Variants in CEMIP observed in about 807,000 individuals in gnomAD.
CEMIP encodes cell migration inducing hyaluronidase 1.
A neutral mutation model predicts 156.9 loss-of-function variants in CEMIP; 105 were observed. The ratio of observed to expected loss-of-function variants is 0.67; its 90% CI spans 0.57 to 0.79. The LOEUF is 0.79. Ranked by LOEUF, CEMIP falls within the 30% of genes least tolerant of loss-of-function variation. CEMIP has a pLI of 0.00. For synonymous variants in CEMIP, 676 were observed against 668.4 expected (o/e 1.01, Z -0.17); for missense variants, 1,457 against 1,769.4 (o/e 0.82, Z 3.17).
rs115575514 is a variant in CEMIP at position 80,902,252 on chromosome 15, G to A, written c.1412-4411G>A. On this transcript the variant is annotated intron_variant, in intron 12 of 29. Coordinates refer to ENST00000394685, the MANE Select transcript of CEMIP (RefSeq NM_001293298.2). ...AGGGAAGGGTGACATCTGCAGCCCT[G>A]TGTAGGGCAACTGTGCAGAGCCCCT... Among the ~76,000 whole-genome samples, 212 of 152,374 alleles carry A rather than the reference G, an allele frequency of 1.4e-3. 1 individual carries two copies. The highest frequency in any genetic ancestry group is 4.9e-3 in the African/African-American group (202 of 41,586).
Position 80,920,154 on chromosome 15 carries a change from G to C in CEMIP, c.1858G>C (p.Glu620Gln), listed in dbSNP as rs1217437407. The change falls in exon 15 of 30, where the codon GAG (glutamate) becomes CAG (glutamine). Residue 620 changes from glutamate to glutamine, a missense_variant. Transcript: ENST00000394685. ...GHCFFTEDGP[E>Q]ERNTFDHCLG... Reference sequence around the variant, plus strand: ...CTGCTTCTTCACGGAAGATGGGCCGGAGGAACGCAACACTTTTGACCACTG... The same window carrying C: ...CTGCTTCTTCACGGAAGATGGGCCGCAGGAACGCAACACTTTTGACCACTG... 2 of 1,614,084 alleles carry C rather than the reference G, an allele frequency of 1.2e-6. No individual in the cohort carries two copies. The highest frequency in any genetic ancestry group is 1.7e-6 in the Non-Finnish European group (2 of 1,180,040).
chr15:80,946,400 T>C (rs1901554637), intron 28 of CEMIP: 1 of 156,076 alleles, frequency 6.4e-6, no homozygotes, highest in Non-Finnish European at 1.4e-5. Context: ...GTGGTTCTAA[T>C]GAAATCCCAG....
chr15:80,888,777 G>T lies in CEMIP; in HGVS notation c.945G>T (p.Leu315Phe). 1 of 1,614,096 alleles carries T rather than the reference G, an allele frequency of 6.2e-7. No individual in the cohort carries two copies. Among genetic ancestry groups the T allele is most frequent in the South Asian group, 1.1e-5 (1 of 91,076 alleles). Reference sequence around the variant, plus strand: ...ATGGCGAATATTTCAATGTTTCTTTGTCCAGTGAGTGGGTTCAAGGTGAGG... The same window carrying T: ...ATGGCGAATATTTCAATGTTTCTTTTTCCAGTGAGTGGGTTCAAGGTGAGG... ...TEHGEYFNVS[L>F]SSEWVQDVEW... Residue 315 changes from leucine (L) to phenylalanine (F), a missense_variant, in exon 9 of 30, where the codon TTG becomes TTT. Around this residue, in one of 5 missense-constraint regions of CEMIP, gnomAD observed 280 missense variants for 300.3 expected, o/e 0.93. Coordinates refer to ENST00000394685, the MANE Select transcript of CEMIP (RefSeq NM_001293298.2).
Position 80,922,264 on chromosome 15 carries a change from G to T in CEMIP, c.2202+127G>T. 1.5e-5 allele frequency: 19 copies of T among 1,277,098 alleles called. 1 individual carries two copies. The South Asian group carries it at 2.3e-4, about 16-fold the overall frequency. 79.1% of individuals were successfully genotyped at this position (1,277,098 alleles called of 1,614,324 possible). Reference sequence around the variant, plus strand: ...CAACTGCATTCTTAATGCTGGTCTCGAAGAAAATGGAGCAGCCTTGCGAGG... The same window carrying T: ...CAACTGCATTCTTAATGCTGGTCTCTAAGAAAATGGAGCAGCCTTGCGAGG... On this transcript the variant is annotated intron_variant, in intron 17 of 29. Transcript: ENST00000394685.
At chr15:80,859,191 C>G (rs547803080) in intron 1 of CEMIP, among the ~76,000 whole-genome samples, 7 of 152,164 alleles carry the variant, frequency 4.6e-5, no homozygotes, top group Non-Finnish European at 1.0e-4. Flanking sequence ...AGGAGCAAGG[C>G]GAGTGGGTCA....
chr15:80,872,300 A>T (rs1898322725), intron 1 of CEMIP, among the ~76,000 whole-genome samples: 1 of 152,218 alleles, frequency 6.6e-6, no homozygotes, highest in Non-Finnish European at 1.5e-5. Context: ...GATGGCATAG[A>T]AGCCGAAGCT....
At chr15:80,928,723 C>T (rs1044554620) in intron 19 of CEMIP, among the ~76,000 whole-genome samples, 179 bp from the exon 20 acceptor site, 1 of 152,178 alleles carries the variant, frequency 6.6e-6, no homozygotes, top group African/African-American at 2.4e-5. Flanking sequence ...AGAAAATCCC[C>T]TTCCTGTGCA....
At chr15:80,784,044 T>A (rs1457986747) in intron 1 of CEMIP, among the ~76,000 whole-genome samples, 1 of 152,160 alleles carries the variant, frequency 6.6e-6, no homozygotes, top group African/African-American at 2.4e-5. Context: ...GCACAAGCAG[T>A]CAGGCCTTCC....
chr15:80,872,327 C>T (rs1017275037), intron 1 of CEMIP, among the ~76,000 whole-genome samples: 1 of 152,144 alleles, frequency 6.6e-6, no homozygotes, highest in Admixed American at 6.5e-5. Flanking sequence ...CGCCAAAGCC[C>T]GTCTAAGTTC....
In CEMIP at chr15:80,906,042, A is replaced by G. The variant is rs1024217683; in HGVS notation, c.1412-621A>G. Among the ~76,000 whole-genome samples the G allele has an allele frequency of 6.6e-6, 1 of 152,248 alleles. No individual in the cohort carries two copies. The highest frequency in any genetic ancestry group is 1.9e-4 in the East Asian group (1 of 5,198). Reference sequence around the variant, plus strand: ...TACACACTCTACATGAGGCTGAGGTAAGCAGAATAGGGATTTGCCTGCTTT... The same window carrying G: ...TACACACTCTACATGAGGCTGAGGTGAGCAGAATAGGGATTTGCCTGCTTT... On this transcript the variant is annotated intron_variant, in intron 12 of 29. Transcript: ENST00000394685. The surrounding 1 kb of genome is among the most constrained non-coding windows in gnomAD (Gnocchi z 4.3).
intron 1 of CEMIP, among the ~76,000 whole-genome samples, chr15:80,869,048 TTGGCTTCTTC>T (rs1181135683): frequency 6.6e-6 from 1 of 152,144 alleles, no homozygotes; most frequent in Non-Finnish European, 1.5e-5. Context: ...GTCAGGAGGG[TTGGCTTCTTC>T]TGAAGCCTCT....
rs1567082809 is a variant in CEMIP at position 80,884,364 on chromosome 15, C to A, written c.797+10C>A. On this transcript the variant is annotated intron_variant, in intron 7 of 29. Coordinates refer to ENST00000394685, the MANE Select transcript of CEMIP (RefSeq NM_001293298.2). ...TGCACCTTGGATTTAGGTACTGCCC[C>A]TCACTTCGGCTTCCACTGGGCTCTG... 1.2e-6 allele frequency: 2 copies of A among 1,613,894 alleles called. No individual in the cohort carries two copies. Among genetic ancestry groups the A allele is most frequent in the Admixed American group, 3.3e-5 (2 of 60,024 alleles).
At chr15:80,861,470 T>G (rs1306972424) in intron 1 of CEMIP, among the ~76,000 whole-genome samples, 1 of 152,206 alleles carries the variant, frequency 6.6e-6, no homozygotes, top group Non-Finnish European at 1.5e-5. Flanking sequence ...TCACTCTCCT[T>G]AAGCACTGAT....
Position 80,880,946 on chromosome 15 carries a change from A to T in CEMIP, c.427A>T (p.Ile143Phe). ...GGATCCTTACTATGGTCTGAAGTAC[A>T]TTGGGGTTGGTAAAGGAGGCGCTCT... ...QPDPYYGLKY[I>F]GVGKGGALEL... Residue 143 changes from isoleucine (I) to phenylalanine (F), a missense_variant, in exon 6 of 30, where the codon ATT (isoleucine) becomes TTT (phenylalanine). This residue lies in a region of CEMIP where 309 missense variants were observed against 340.8 expected (regional missense o/e 0.91). Transcript: ENST00000394685. The T allele has an allele frequency of 6.2e-7, 1 of 1,614,200 alleles. No homozygotes were observed. The highest frequency in any genetic ancestry group is 1.1e-5 in the South Asian group (1 of 91,080).
chr15:80,946,772 A>T (rs1389199515), intron 28 of CEMIP, 193 bp from the exon 29 acceptor site: 1 of 614,328 alleles, frequency 1.6e-6, no homozygotes, highest in African/African-American at 1.8e-5. Context: ...GAGGGAGCTC[A>T]GGATGTTCGT....
At chr15:80,926,766 TA>T (rs11362421) in intron 19 of CEMIP, among the ~76,000 whole-genome samples, 8,507 of 115,358 alleles carry the variant, frequency 0.074, 868 homozygotes, top group African/African-American at 0.24. Context: ...AATTTTTTTT[TA>T]AAAAAGTCAA....
intron 10 of CEMIP, among the ~76,000 whole-genome samples, chr15:80,893,618 T>C (rs1899111322): frequency 6.6e-6 from 1 of 152,152 alleles, no homozygotes; most frequent in Non-Finnish European, 1.5e-5. Context: ...TCTGAACCCC[T>C]CTGAGCATCA....
Position 80,933,318 on chromosome 15 carries a change from C to G in CEMIP, c.2867C>G (p.Ser956Cys), listed in dbSNP as rs1204696011. The G allele has an allele frequency of 6.2e-7, 1 of 1,614,064 alleles. No individual in the cohort carries two copies. Among genetic ancestry groups the G allele is most frequent in the Admixed American group, 1.7e-5 (1 of 59,994 alleles). ...NQLDMDGDKT[S>C]VFHDVDGSVS... The stretch of plus-strand genomic sequence containing the variant: ...CTGGACATGGATGGGGATAAGACAT[C>G]TGTGTTCCATGACGTCGACGGCTCC... Residue 956 changes from serine to cysteine, a missense_variant, in exon 23 of 30, where the codon TCT (serine) becomes TGT (cysteine). Ser to Cys is a moderately radical substitution (Grantham distance 112). Coordinates refer to ENST00000394685, the MANE Select transcript of CEMIP (RefSeq NM_001293298.2).
intron 11 of CEMIP, 131 bp downstream of exon 11, chr15:80,895,253 G>A: frequency 8.2e-7 from 1 of 1,215,386 alleles, no homozygotes; most frequent in Admixed American, 1.9e-5. Flanking sequence ...TGACACGGGA[G>A]CAGTGGGAGG....
Sources: allele counts gnomAD v4.1 joint callset (sites outside exome capture counted in the v4.1 genomes callset), GRCh38; gene constraint gnomAD v4.1.1; regional missense constraint gnomAD v4.1.1; non-coding constraint Gnocchi (gnomAD v3.1); transcripts MANE v1.5; gene names NCBI Gene and HGNC (gene_info 2026-07-23, HGNC 2026-07-21).